Variants in DNHD1 observed in about 807,000 individuals in gnomAD.
DNHD1 encodes the protein dynein heavy chain domain-containing protein 1.
A neutral mutation model predicts 458.1 loss-of-function variants in DNHD1; 383 were observed. The observed-to-expected ratio is 0.84, with a 90% CI of 0.77 to 0.91. The LOEUF (loss-of-function observed/expected upper bound fraction) is 0.91. Ranked by LOEUF, DNHD1 falls within the 40% of genes least tolerant of loss-of-function variation. The pLI is 0.00. For missense variants in DNHD1, 5,336 were observed against 5,866.1 expected (o/e 0.91, Z 2.95); for synonymous variants, 2,203 against 2,376.9 (o/e 0.93, Z 2.13).
chr11:6,550,531 CA>C (rs1319238506), intron 24 of DNHD1, among the ~76,000 whole-genome samples: 2 of 152,086 alleles, frequency 1.3e-5, no homozygotes, highest in East Asian at 1.9e-4. Flanking sequence ...GACATGCCAA[CA>C]AAAACCCCCA....
chr11:6,536,035 T>C (rs1852940785), intron 14 of DNHD1, among the ~76,000 whole-genome samples: 1 of 152,176 alleles, frequency 6.6e-6, no homozygotes, highest in Non-Finnish European at 1.5e-5. Context: ...TCAGATGTGA[T>C]ACTGGAGAAG....
chr11:6,540,122 C>G (rs963641897), intron 18 of DNHD1, 39 bp downstream of exon 18: 74 of 1,525,764 alleles, frequency 4.9e-5, no homozygotes, highest in Non-Finnish European at 5.5e-5. Context: ...AAGCCCCCTG[C>G]TGGGGGCCAT....
At position 6,545,431 on chromosome 11, in the gene DNHD1, CA is replaced by C; in HGVS notation, c.4493del (p.His1498ProfsTer5). On this transcript the variant is annotated frameshift_variant, in exon 21 of 43. Transcript: ENST00000254579. The surrounding 1 kb of genome is among the most constrained non-coding windows in gnomAD (Gnocchi z 4.9). ...GTTGTACCTGCAACTGTATGTCCAG[CA>C]CTGGATCGACTTAGTCCAGGCCTTC... The part of the protein sequence containing the change: ...NKLYLQLYVQ[H>X]WIDLVQAFPW... 9.7e-6 allele frequency: 15 copies of C among 1,551,852 alleles called. No individual in the cohort carries two copies. Among genetic ancestry groups the C allele is most frequent in the Non-Finnish European group, 1.3e-5 (15 of 1,147,036 alleles).
In DNHD1 at chr11:6,533,828, T is replaced by A; in HGVS notation, c.2653T>A (p.Ser885Thr). Residue 885 changes from serine (S) to threonine (T), a missense_variant, in exon 14 of 43, where the codon TCA becomes ACA. Around this residue, in one of 4 missense-constraint regions of DNHD1, gnomAD observed 3,932 missense variants for 4,365.6 expected, o/e 0.90. Transcript: ENST00000254579. ...DISVRRQFGE[S>T]PIPPCPPPPQ... ...CTCGGTGAGAAGGCAATTCGGGGAG[T>A]CACCCATCCCTCCCTGCCCTCCTCC... The A allele has an allele frequency of 6.5e-7, 1 of 1,547,748 alleles. No homozygotes were observed. Among genetic ancestry groups the A allele is most frequent in the South Asian group, 1.2e-5 (1 of 83,730 alleles).
At position 6,571,091 on chromosome 11, in the gene DNHD1, G is replaced by C; in HGVS notation, c.13579G>C (p.Ala4527Pro). Residue 4527 changes from alanine (A) to proline (P), a missense_variant, in exon 42 of 43, where the codon GCT becomes CCT. Physicochemically the swap from Ala to Pro is conservative, Grantham distance 27. Coordinates refer to ENST00000254579, the MANE Select transcript of DNHD1 (RefSeq NM_144666.3). The surrounding 1 kb of genome is among the most constrained non-coding windows in gnomAD (Gnocchi z 5.0). ...PSRRCAAVAHALWTGRLPLPW... is the reference protein window; with the variant it reads ...PSRRCAAVAHPLWTGRLPLPW... ...CCGCCGCTGTGCTGCGGTGGCCCAC[G>C]CTCTCTGGACTGGCCGCCTACCCTT... The C allele has an allele frequency of 6.3e-7, 1 of 1,591,448 alleles. No homozygotes were observed. The highest frequency in any genetic ancestry group is 8.6e-7 in the Non-Finnish European group (1 of 1,168,974).
chr11:6,541,596 G>A (rs1226696800), intron 18 of DNHD1, among the ~76,000 whole-genome samples: 1 of 152,174 alleles, frequency 6.6e-6, no homozygotes, highest in East Asian at 1.9e-4. Context: ...AGTGGAGGAG[G>A]GGATGGAGCA....
chr11:6,534,295 C>G, intron 14 of DNHD1, 122 bp downstream of exon 14: 1 of 984,258 alleles, frequency 1.0e-6, no homozygotes, highest in Non-Finnish European at 1.5e-6. Context: ...AATCACACAC[C>G]TTCACTGGTG....
rs536843662 is a variant in DNHD1, at chr11:6,545,449, C to T, written c.4510C>T (p.Gln1504Ter). 146 of 1,551,870 alleles carry T rather than the reference C, an allele frequency of 9.4e-5. No homozygotes were observed. In the African/African-American group the frequency reaches 1.8e-3, roughly 19 times the overall value. ...LYVQHWIDLV[Q>*]AFPWQCVLVA... is the part of the protein sequence containing the mutation. Reference sequence around the variant, plus strand: ...TGTCCAGCACTGGATCGACTTAGTCCAGGCCTTCCCATGGCAGTGTGTGCT... The same window carrying T: ...TGTCCAGCACTGGATCGACTTAGTCTAGGCCTTCCCATGGCAGTGTGTGCT... Residue 1504 changes from glutamine (Q) to a stop codon, truncating the protein, a stop_gained, in exon 21 of 43, where the codon CAG becomes TAG. Transcript: ENST00000254579. LOFTEE classifies it high-confidence loss of function. The surrounding 1 kb of genome is among the most constrained non-coding windows in gnomAD (Gnocchi z 4.9).
At position 6,570,732 on chromosome 11, in the gene DNHD1, G is replaced by A. The variant is rs749654377; in HGVS notation, c.13220G>A (p.Arg4407Gln). 17 of 1,611,118 alleles carry A rather than the reference G, an allele frequency of 1.1e-5. No individual in the cohort carries two copies. The highest frequency in any genetic ancestry group is 2.2e-5 in the East Asian group (1 of 44,726). ...LSEGPQAWLL[R>Q]RQSRALLSAL... is the part of the protein sequence containing the mutation. ...GAGGGCCCCCAAGCCTGGCTGTTGC[G>A]ACGCCAGAGTCGCGCTCTCTTGAGT... Residue 4407 changes from arginine to glutamine, a missense_variant, in exon 42 of 43, where the codon CGA becomes CAA. Physicochemically the swap from Arg to Gln is conservative, Grantham distance 43. Transcript: ENST00000254579.
At chr11:6,538,356 A>G (rs767949218) in intron 14 of DNHD1, 27 bp from the exon 15 acceptor site, 5 of 1,550,850 alleles carry the variant, frequency 3.2e-6, no homozygotes, top group African/African-American at 1.4e-5. Flanking sequence ...CAAGTAGCCC[A>G]GGTCTCAAGT....
intron 14 of DNHD1, 102 bp from the exon 15 acceptor site, chr11:6,538,281 T>A: frequency 9.4e-7 from 1 of 1,060,422 alleles, no homozygotes; most frequent in Non-Finnish European, 1.4e-6. Context: ...CATCACTTTC[T>A]GGACCCTACC....
chr11:6,509,137 A>G (rs753990936), intron 5 of DNHD1, 25 bp from the exon 6 acceptor site: 5 of 1,613,992 alleles, frequency 3.1e-6, no homozygotes, highest in African/African-American at 1.3e-5. Context: ...GCAACAGTAT[A>G]TTATCACTGA....
Position 6,545,991 on chromosome 11 carries a change from C to T in DNHD1, c.5052C>T (p.Thr1684=), listed in dbSNP as rs371487557. ...LLALEEVACG[T]VLGPNGVGKR... ...CCCTAGAGGAGGTGGCCTGTGGGAC[C>T]GTACTGGGTCCTAATGGTGTGGGCA... The change falls in exon 21 of 43, where the codon ACC becomes ACT. Residue 1684 remains threonine (T), a synonymous_variant. Coordinates refer to ENST00000254579, the MANE Select transcript of DNHD1 (RefSeq NM_144666.3). The surrounding 1 kb of genome is among the most constrained non-coding windows in gnomAD (Gnocchi z 4.9). 130 of 1,551,750 alleles carry T rather than the reference C, an allele frequency of 8.4e-5. 1 individual carries two copies. In the Middle Eastern group the frequency reaches 1.2e-3, roughly 14 times the overall value.
intron 7 of DNHD1, among the ~76,000 whole-genome samples, chr11:6,512,455 C>G (rs1852364194): frequency 6.6e-6 from 1 of 151,802 alleles, no homozygotes; most frequent in South Asian, 2.1e-4. Flanking sequence ...ATCTCCTGAC[C>G]TTGTGATCCG....
In DNHD1 at chr11:6,564,050, T is replaced by G; in HGVS notation, c.10210T>G (p.Cys3404Gly). ...GGCAAAGACCCTCAGTCAAGCACAGTGTGGGCAGTATCACAAATGGCCCAT... is the reference window on the plus strand; with the variant it reads ...GGCAAAGACCCTCAGTCAAGCACAGGGTGGGCAGTATCACAAATGGCCCAT... ...CVAKTLSQAQ[C>G]GQYHKWPMKA... Residue 3404 changes from cysteine (C) to glycine (G), a missense_variant, in exon 31 of 43, where the codon TGT becomes GGT. Cys to Gly is a radical substitution (Grantham distance 159). Around this residue, in one of 4 missense-constraint regions of DNHD1, gnomAD observed 3,932 missense variants for 4,365.6 expected, o/e 0.90. Transcript: ENST00000254579. 1.3e-6 allele frequency: 2 copies of G among 1,551,708 alleles called. No individual in the cohort carries two copies. The highest frequency in any genetic ancestry group is 1.7e-6 in the Non-Finnish European group (2 of 1,146,994).
intron 24 of DNHD1, among the ~76,000 whole-genome samples, chr11:6,552,140 T>C (rs569360799): frequency 9.3e-5 from 14 of 149,782 alleles, no homozygotes; most frequent in Admixed American, 8.6e-4. Context: ...TGCTAATAAA[T>C]TTAGCAACTT....
intron 24 of DNHD1, among the ~76,000 whole-genome samples, chr11:6,551,365 C>G (rs1208326912): frequency 3.3e-5 from 5 of 152,078 alleles, no homozygotes; most frequent in African/African-American, 1.2e-4. Context: ...GAGAGAAAAG[C>G]TTGGAATCAA....
At chr11:6,506,526 T>C (rs1852230833) in intron 4 of DNHD1, among the ~76,000 whole-genome samples, 1 of 152,274 alleles carries the variant, frequency 6.6e-6, no homozygotes, top group Non-Finnish European at 1.5e-5. Context: ...TTTCACTTGC[T>C]GTTTCATTAT....
In DNHD1 at chr11:6,570,967, A is replaced by ATC; in HGVS notation, c.13455_13456insTC (p.Glu4486SerfsTer6). 6.2e-7 allele frequency: 1 copy of ATC among 1,607,348 alleles called. No homozygotes were observed. The highest frequency in any genetic ancestry group is 8.5e-7 in the Non-Finnish European group (1 of 1,174,774). On this transcript the variant is annotated frameshift_variant, in exon 42 of 43. Transcript: ENST00000254579. LOFTEE classifies it high-confidence loss of function. ...CACGGCGGCCTCTGGAGGGCGTCTT[A>ATC]GAGACCGAGGCTCTAGAACTGAGCC...
Sources: gnomAD v4.1 joint callset for allele counts (sites outside exome capture counted in the v4.1 genomes callset) on GRCh38, gnomAD v4.1.1 for gene constraint, gnomAD v4.1.1 regional missense constraint, Gnocchi (gnomAD v3.1) non-coding constraint, MANE v1.5 for transcripts, NCBI Gene and HGNC (gene_info 2026-07-23, HGNC 2026-07-21) for gene names.